Variants in RNASET2 observed in about 807,000 individuals in gnomAD.
RNASET2 encodes ribonuclease 6.
Under a neutral mutation model 33.9 loss-of-function variants are expected in RNASET2, and 28 were observed. That is an observed-to-expected ratio of 0.83 (90% CI 0.61 to 1.13). The LOEUF (loss-of-function observed/expected upper bound fraction) is 1.13. Among genes scored for constraint, RNASET2 ranks in the 50% most tolerant of loss-of-function variants. The pLI is 0.00. For synonymous variants in RNASET2, 123 were observed against 121.0 expected, an observed-to-expected ratio of 1.02 and a Z score of -0.11; for missense variants, 330 against 319.9, an observed-to-expected ratio of 1.03 and a Z score of -0.24.
intron 7 of RNASET2, chr6:166,931,541 C>T (rs1432664572): frequency 1.3e-5 from 3 of 224,788 alleles, no homozygotes; most frequent in Non-Finnish European, 2.7e-5. Flanking sequence ...GACCCCCTCC[C>T]CACGGTGGAC....
Position 166,923,571 on chromosome 6 carries a change from C to A in RNASET2, c.*6017G>T, listed in dbSNP as rs1778264402. Among the ~76,000 whole-genome samples the A allele has an allele frequency of 6.6e-6, 1 of 151,732 alleles. No homozygotes were observed. The highest frequency in any genetic ancestry group is 2.4e-5 in the African/African-American group (1 of 41,240). ...TCTGAGCCTAAAATGCTAATTCTGTCTTTTTTGTCTAAAATAAATGGAAGG... is the reference window on the plus strand; with the variant it reads ...TCTGAGCCTAAAATGCTAATTCTGTATTTTTTGTCTAAAATAAATGGAAGG... On this transcript the variant is annotated 3_prime_UTR_variant, in exon 9 of 9. Coordinates refer to ENST00000508775, the MANE Select transcript of RNASET2 (RefSeq NM_003730.6).
At chr6:166,944,745 C>T (rs1212550) in intron 4 of RNASET2, among the ~76,000 whole-genome samples, 62,040 of 151,334 alleles carry the variant, frequency 0.41, 14,458 homozygotes, top group African/African-American at 0.63. Context: ...TGCAGTCCTA[C>T]GGTGCCTCTT....
chr6:166,939,827 G>T (rs934580130), intron 5 of RNASET2, among the ~76,000 whole-genome samples: 1 of 152,262 alleles, frequency 6.6e-6, no homozygotes, highest in South Asian at 2.1e-4. Context: ...CTAAAGGGCT[G>T]CACGTGAACA....
rs993184078 is a variant in RNASET2, at chr6:166,948,585, G to T, written c.188C>A (p.Thr63Lys). Residue 63 changes from threonine to lysine, a missense_variant, in exon 3 of 9, where the codon ACA becomes AAA. Physicochemically the swap from Thr to Lys is moderately conservative, Grantham distance 78. Transcript: ENST00000508775. ...AGACACTTGCCATAGTCCATGTATT[G>T]TCCAGTAATCCGGAGGGTCTCTACA... ...NDCRDPPDYW[T>K]IHGLWPDKSE... 2 of 1,601,222 alleles carry T rather than the reference G, an allele frequency of 1.2e-6. No individual in the cohort carries two copies. Among genetic ancestry groups the T allele is most frequent in the Non-Finnish European group, 1.7e-6 (2 of 1,168,638 alleles).
chr6:166,938,905 C>A lies in RNASET2; in HGVS notation c.436G>T (p.Asp146Tyr), dbSNP rs968384342. Residue 146 changes from aspartate (D) to tyrosine (Y), a missense_variant, in exon 6 of 9, where the codon GAC becomes TAC. Physicochemically the swap from Asp to Tyr is radical, Grantham distance 160. Transcript: ENST00000508775. ...GAAGGGCGCACCCACCTGTTGAGGT[C>A]CAGCTCCCTGTAGAGTTCCAGGCTT... ...GRSLELYREL[D>Y]LNSVLLKLGI... The A allele has an allele frequency of 6.2e-7, 1 of 1,612,474 alleles. No individual in the cohort carries two copies.
At chr6:166,950,740 C>T (rs1429248458) in intron 2 of RNASET2, among the ~76,000 whole-genome samples, 2 of 152,220 alleles carry the variant, frequency 1.3e-5, no homozygotes, top group Admixed American at 6.5e-5. Context: ...TGGAGCAAAA[C>T]GCAGCCAGAT....
rs9295383 is a variant in RNASET2 at position 166,925,953 on chromosome 6, T to C, written c.*3635A>G. ...TCCCTGAGCCGCCATACTGGGGAGG[T>C]GTGATCTGGGAGCAGAGAGCCATGG... On this transcript the variant is annotated 3_prime_UTR_variant, in exon 9 of 9. Transcript: ENST00000508775. Among the ~76,000 whole-genome samples the C allele has an allele frequency of 0.18, 26,912 of 151,102 alleles. 2,590 individuals are homozygous for C. Among genetic ancestry groups the C allele is most frequent in the African/African-American group, 0.26 (10,735 of 41,104 alleles).
intron 1 of RNASET2, chr6:166,953,254 C>G (rs938714538): frequency 5.9e-5 from 9 of 152,836 alleles, no homozygotes; most frequent in African/African-American, 1.9e-4. Flanking sequence ...TGAAACTCAT[C>G]TGACTCTAAG....
In RNASET2 at chr6:166,923,012, G is replaced by A. The variant is rs1778255354; in HGVS notation, c.*6576C>T. ...AAATAAAGGGAATGTAAATGCATAA[G>A]AATGCACAGGTCTGAAATGTGAAAA... On this transcript the variant is annotated 3_prime_UTR_variant, in exon 9 of 9. Coordinates refer to ENST00000508775, the MANE Select transcript of RNASET2 (RefSeq NM_003730.6). Among the ~76,000 whole-genome samples the A allele has an allele frequency of 6.6e-6, 1 of 152,232 alleles. No homozygotes were observed. Among genetic ancestry groups the A allele is most frequent in the South Asian group, 2.1e-4 (1 of 4,836 alleles).
At chr6:166,955,285 C>A (rs1335560155) in intron 1 of RNASET2, among the ~76,000 whole-genome samples, 1 of 62,548 alleles carries the variant, frequency 1.6e-5, no homozygotes, top group Non-Finnish European at 2.7e-5. Flanking sequence ...ACACACGACA[C>A]ACACGCACAG....
At chr6:166,952,622 TC>T in intron 1 of RNASET2, 74 bp from the exon 2 acceptor site, 1 of 1,117,986 alleles carries the variant, frequency 8.9e-7, no homozygotes, top group Non-Finnish European at 1.4e-6. Flanking sequence ...CACCCATCCA[TC>T]CCTTCAATCA....
intron 3 of RNASET2, among the ~76,000 whole-genome samples, chr6:166,947,653 G>C (rs1415564638): frequency 6.6e-6 from 1 of 152,152 alleles, no homozygotes; most frequent in Admixed American, 6.5e-5. Context: ...TGACCAGACA[G>C]AGAAGAAAGT....
rs920262989 is a variant in RNASET2, at chr6:166,929,151, C to T, written c.*437G>A. ...CAGACCCAGTCTGAGCTAGAGACAC[C>T]CCCCAGGCCCACCAGGCATCAGCGT... On this transcript the variant is annotated 3_prime_UTR_variant, in exon 9 of 9. Transcript: ENST00000508775. 2.6e-5 allele frequency among the ~76,000 whole-genome samples: 4 copies of T among 152,188 alleles called. No homozygotes were observed. The highest frequency in any genetic ancestry group is 5.9e-5 in the Non-Finnish European group (4 of 68,014).
intron 1 of RNASET2, among the ~76,000 whole-genome samples, chr6:166,955,239 GCACACACACGCACA>G (rs1562506741): frequency 1.5e-5 from 1 of 66,258 alleles, no homozygotes; most frequent in African/African-American, 6.6e-5. Flanking sequence ...ACGCACGCAC[GCACACACACGCACA>G]CACGCACACA....
chr6:166,955,598 T>G (rs886612779), intron 1 of RNASET2: 1 of 991,770 alleles, frequency 1.0e-6, no homozygotes, highest in African/African-American at 1.7e-5. Flanking sequence ...GCCTGCCACC[T>G]GCTTTGTCGC....
chr6:166,943,337 C>T (rs1298974058), intron 4 of RNASET2: 4 of 403,558 alleles, frequency 9.9e-6, no homozygotes, highest in Non-Finnish European at 1.9e-5. Context: ...ATAAAGTGTA[C>T]ATCCAAACAA....
intron 7 of RNASET2, 41 bp downstream of exon 7, chr6:166,934,050 C>T (rs994479828): frequency 1.3e-5 from 20 of 1,537,498 alleles, no homozygotes; most frequent in South Asian, 3.4e-5. Context: ...TGGAGGTCCC[C>T]GGGAGAGACA....
intron 2 of RNASET2, 98 bp downstream of exon 2, chr6:166,952,390 G>C (rs745594845): frequency 9.5e-7 from 1 of 1,055,756 alleles, no homozygotes; most frequent in Non-Finnish European, 1.5e-6. Flanking sequence ...CCTACCTCCC[G>C]CACCAGCAGC....
In RNASET2 at chr6:166,929,585, G is replaced by A. The variant is rs1778367749; in HGVS notation, c.*3C>T. 6.2e-7 allele frequency: 1 copy of A among 1,613,566 alleles called. No individual in the cohort carries two copies. The highest frequency in any genetic ancestry group is 8.5e-7 in the Non-Finnish European group (1 of 1,179,482). On this transcript the variant is annotated 3_prime_UTR_variant, in exon 9 of 9. Transcript: ENST00000508775. ...AAAACAGAATATTTCCAAAACTTGG[G>A]CATCAATGCTTGGTCTTTTTAGGTG...
Sources: allele counts gnomAD v4.1 joint callset (sites outside exome capture counted in the v4.1 genomes callset), GRCh38; gene constraint gnomAD v4.1.1; transcripts MANE v1.5; gene names NCBI Gene and HGNC (gene_info 2026-07-23, HGNC 2026-07-21).